The following HPSE2 variants were observed in gnomAD, a reference collection of about 807,000 sequenced individuals.
HPSE2 encodes heparanase 2 (inactive).
In HPSE2, 38 loss-of-function variants were observed where a neutral mutation model predicts 60.5. That is an observed-to-expected ratio of 0.63 (90% CI 0.48 to 0.82). HPSE2 has a LOEUF of 0.82. Among genes scored for constraint, HPSE2 ranks in the 40% least tolerant of loss-of-function variants. The pLI is 0.00. For missense variants in HPSE2, 713 were observed against 740.4 expected, an observed-to-expected ratio of 0.96 and a Z score of 0.43; for synonymous variants, 295 against 293.2, an observed-to-expected ratio of 1.01 and a Z score of -0.06.
At chr10:98,913,544 G>C (rs975242387) in intron 3 of HPSE2, among the ~76,000 whole-genome samples, 4 of 152,260 alleles carry the variant, frequency 2.6e-5, no homozygotes, top group Middle Eastern at 3.4e-3. Flanking sequence ...ATTGATCTTA[G>C]AGAAGATTCA....
At chr10:98,493,693 C>T (rs1338834280) in intron 9 of HPSE2, among the ~76,000 whole-genome samples, 1 of 152,176 alleles carries the variant, frequency 6.6e-6, no homozygotes, top group African/African-American at 2.4e-5. Context: ...TAAAGTGAAT[C>T]TCTGTGCAGA....
At chr10:99,062,384 A>T (rs1282623337) in intron 3 of HPSE2, among the ~76,000 whole-genome samples, 1 of 152,244 alleles carries the variant, frequency 6.6e-6, no homozygotes, top group Non-Finnish European at 1.5e-5. Flanking sequence ...GTTCTCAGTT[A>T]GACAGAAGAA....
rs76823670 is a variant in HPSE2 at position 99,098,635 on chromosome 10, C to T, written c.610+45603G>A. 3.4e-3 allele frequency among the ~76,000 whole-genome samples: 520 copies of T among 152,172 alleles called. 19 individuals are homozygous for T. The East Asian group carries it at 0.087, about 25-fold the overall frequency. ...CTGTTCCATTTAGGTATGTAGAAAA[C>T]GTTGGTTCTTAAAAATCTCTTAAAA... On this transcript the variant is annotated intron_variant, in intron 3 of 11. Transcript: ENST00000370552.
rs544110694 is a variant in HPSE2, at chr10:99,162,846, A to G, written c.449-18447T>C. Among the ~76,000 whole-genome samples the G allele has an allele frequency of 2.0e-5, 3 of 152,258 alleles. No individual in the cohort carries two copies. In the East Asian group the frequency reaches 5.8e-4, roughly 29 times the overall value. Reference sequence around the variant, plus strand: ...TCTACTTCTTATCTGGATAACTAAAACAGTCCAAAACAACATCCATAAATC... The same window carrying G: ...TCTACTTCTTATCTGGATAACTAAAGCAGTCCAAAACAACATCCATAAATC... On this transcript the variant is annotated intron_variant, in intron 2 of 11. Coordinates refer to ENST00000370552, the MANE Select transcript of HPSE2 (RefSeq NM_021828.5).
chr10:99,013,654 T>G (rs1957068620), intron 3 of HPSE2: 2 of 218,184 alleles, frequency 9.2e-6, no homozygotes, highest in African/African-American at 2.4e-5. Context: ...GTATTTTTAG[T>G]AGAGACGGGC....
rs370784296 is a variant in HPSE2 at position 98,721,733 on chromosome 10, G to A, written c.880C>T (p.Arg294Trp). The A allele has an allele frequency of 1.7e-5, 27 of 1,613,452 alleles. No homozygotes were observed. The highest frequency in any genetic ancestry group is 2.2e-5 in the East Asian group (1 of 44,866). The change falls in exon 5 of 12, where the codon CGG becomes TGG. Residue 294 changes from arginine (R) to tryptophan (W), a missense_variant. Arg to Trp is a moderately radical substitution (Grantham distance 101, BLOSUM62 -3). Coordinates refer to ENST00000370552, the MANE Select transcript of HPSE2 (RefSeq NM_021828.5). The part of the protein sequence containing the change: ...IQLKSLLQPI[R>W]IYSRASLYGP... ...TATAAGCTGGCTCTGGAATAAATCC[G>A]GATGGGCTGCAACAGGCTCTTCAGC...
At chr10:98,845,392 T>C (rs1365092631) in intron 3 of HPSE2, among the ~76,000 whole-genome samples, 4 of 152,318 alleles carry the variant, frequency 2.6e-5, no homozygotes, top group Non-Finnish European at 1.5e-5. Flanking sequence ...TCCTTGATGG[T>C]GTCTGTCTCT....
chr10:98,549,232 CT>C, intron 9 of HPSE2, among the ~76,000 whole-genome samples: 1 of 152,204 alleles, frequency 6.6e-6, no homozygotes, highest in Middle Eastern at 3.4e-3. Flanking sequence ...GATTTTTCAT[CT>C]GTAAAATGAG....
At chr10:98,822,700 A>G (rs1480664795) in intron 3 of HPSE2, among the ~76,000 whole-genome samples, 2 of 152,208 alleles carry the variant, frequency 1.3e-5, no homozygotes, top group African/African-American at 4.8e-5. Flanking sequence ...TAAGGATACA[A>G]AAATGATAAA....
intron 3 of HPSE2, among the ~76,000 whole-genome samples, chr10:99,122,910 T>C (rs1845014561): frequency 1.3e-5 from 2 of 152,032 alleles, no homozygotes; most frequent in Admixed American, 1.3e-4. Context: ...AGTATACCAT[T>C]GGCACAGAAA....
the HPSE2 span, among the ~76,000 whole-genome samples, chr10:99,267,505 C>T: frequency 1.3e-5 from 2 of 151,948 alleles, no homozygotes; most frequent in Admixed American, 6.6e-5. Flanking sequence ...CCAAACCTGC[C>T]GGGCATGGTG....
intron 3 of HPSE2, among the ~76,000 whole-genome samples, chr10:98,934,749 T>C (rs189199486): frequency 1.4e-5 from 2 of 143,900 alleles, no homozygotes; most frequent in East Asian, 2.0e-4. Flanking sequence ...CTGATGATTA[T>C]GTGCCTTGGG....
At chr10:99,074,507 A>T (rs1000988077) in intron 3 of HPSE2, among the ~76,000 whole-genome samples, 5 of 151,990 alleles carry the variant, frequency 3.3e-5, no homozygotes, top group Non-Finnish European at 7.4e-5. Context: ...GATATTGGCC[A>T]GTAGTTTTCT....
the HPSE2 span, among the ~76,000 whole-genome samples, chr10:99,259,370 A>G: frequency 2.0e-5 from 3 of 152,192 alleles, no homozygotes; most frequent in South Asian, 6.2e-4. Flanking sequence ...TGGGAAAAAA[A>G]TATTTGCAAA....
chr10:98,851,907 G>A (rs920715133), intron 3 of HPSE2, among the ~76,000 whole-genome samples: 1 of 152,078 alleles, frequency 6.6e-6, no homozygotes. Flanking sequence ...TCTTCTAAGA[G>A]AGCTGGGAGA....
chr10:99,301,765 T>C, the HPSE2 span, among the ~76,000 whole-genome samples: 1 of 151,950 alleles, frequency 6.6e-6, no homozygotes, highest in Non-Finnish European at 1.5e-5. Flanking sequence ...AAGTTTACCT[T>C]TGGACAACAA....
intron 5 of HPSE2, among the ~76,000 whole-genome samples, chr10:98,716,188 A>C (rs1350596115): frequency 1.3e-5 from 2 of 151,960 alleles, no homozygotes; most frequent in Non-Finnish European, 2.9e-5. Flanking sequence ...GCAACAATCG[A>C]GTCACATTTT....
chr10:98,836,357 C>T (rs2134672854), intron 3 of HPSE2, among the ~76,000 whole-genome samples: 1 of 152,302 alleles, frequency 6.6e-6, no homozygotes, highest in Middle Eastern at 3.4e-3. Flanking sequence ...TAATTTCCTG[C>T]CTCCTTCAGA....
chr10:99,119,027 AAAAGAAAGAAAGAAAAGAAAAG>A (rs1184179951), intron 3 of HPSE2, among the ~76,000 whole-genome samples: 1 of 150,748 alleles, frequency 6.6e-6, no homozygotes, highest in African/African-American at 2.4e-5. Flanking sequence ...GAAAGAAAGG[AAAAGAAAGAAAGAAAAGAAAAG>A]AAAGAAAGAA....
Sources: gnomAD v4.1 joint callset for allele counts (sites outside exome capture counted in the v4.1 genomes callset) on GRCh38, gnomAD v4.1.1 for gene constraint, MANE v1.5 for transcripts, NCBI Gene and HGNC (gene_info 2026-07-23, HGNC 2026-07-21) for gene names.